FBXL7: variants seen among roughly 807,000 people sequenced by gnomAD.
FBXL7 encodes the protein F-box and leucine rich repeat protein 7.
FBXL7 carries 12 observed loss-of-function variants against 38.3 expected under a neutral mutation model. The ratio of observed to expected loss-of-function variants is 0.31; its 90% CI spans 0.20 to 0.51. FBXL7 has a LOEUF of 0.51. Among genes scored for constraint, FBXL7 ranks in the 20% least tolerant of loss-of-function variants. The pLI, the probability that FBXL7 is intolerant of heterozygous loss-of-function variation, is 0.98. For synonymous variants in FBXL7, 297 were observed against 300.9 expected (o/e 0.99, Z 0.13); for missense variants, 567 against 676.4 (o/e 0.84, Z 1.79).
At chr5:15,695,791 A>G (rs1743315999) in intron 2 of FBXL7, among the ~76,000 whole-genome samples, 1 of 152,140 alleles carries the variant, frequency 6.6e-6, no homozygotes, top group Non-Finnish European at 1.5e-5. Flanking sequence ...TTGGGATTCA[A>G]CCCTGGCCTG....
intron 1 of FBXL7, among the ~76,000 whole-genome samples, chr5:15,561,606 T>G (rs1738418372): frequency 6.6e-6 from 1 of 152,108 alleles, no homozygotes; most frequent in Non-Finnish European, 1.5e-5. Context: ...CATGTAGTAG[T>G]CCTATTTCTA....
At chr5:15,553,940 A>G (rs1317076358) in intron 1 of FBXL7, among the ~76,000 whole-genome samples, 1 of 152,032 alleles carries the variant, frequency 6.6e-6, no homozygotes, top group African/African-American at 2.4e-5. Flanking sequence ...TGTCTTCACA[A>G]TTCTGCTTGG....
intron 2 of FBXL7, among the ~76,000 whole-genome samples, chr5:15,913,945 G>T (rs1741512630): frequency 6.6e-6 from 1 of 152,138 alleles, no homozygotes; most frequent in Non-Finnish European, 1.5e-5. Context: ...GTTGGGGAGG[G>T]CAGGGGGACA....
intron 1 of FBXL7, among the ~76,000 whole-genome samples, chr5:15,516,473 T>C (rs1736940133): frequency 6.6e-6 from 1 of 152,202 alleles, no homozygotes; most frequent in South Asian, 2.1e-4. Context: ...GTATGGGATT[T>C]TTATGTCTTA....
At chr5:15,904,498 C>G (rs1741308215) in intron 2 of FBXL7, among the ~76,000 whole-genome samples, 1 of 152,038 alleles carries the variant, frequency 6.6e-6, no homozygotes, top group Non-Finnish European at 1.5e-5. Flanking sequence ...TTATTTTGGT[C>G]TTTACACAAT....
At chr5:15,655,764 G>T (rs779034465) in intron 2 of FBXL7, among the ~76,000 whole-genome samples, 1 of 152,128 alleles carries the variant, frequency 6.6e-6, no homozygotes, top group Non-Finnish European at 1.5e-5. Flanking sequence ...AGAGACTTAC[G>T]TGTCCATTAG....
intron 2 of FBXL7, among the ~76,000 whole-genome samples, chr5:15,765,050 G>T (rs1377776371): frequency 6.6e-6 from 1 of 152,126 alleles, no homozygotes; most frequent in Non-Finnish European, 1.5e-5. Flanking sequence ...TGAGAAGAAT[G>T]GAATTCTTTT....
chr5:15,708,308 GTC>G (rs1743753387), intron 2 of FBXL7, among the ~76,000 whole-genome samples: 1 of 152,198 alleles, frequency 6.6e-6, no homozygotes, highest in South Asian at 2.1e-4. Flanking sequence ...AAGGAATTGG[GTC>G]TCTCACTGGG....
intron 2 of FBXL7, among the ~76,000 whole-genome samples, chr5:15,672,199 A>G (rs1742501376): frequency 6.6e-6 from 1 of 152,254 alleles, no homozygotes; most frequent in African/African-American, 2.4e-5. Flanking sequence ...TCGTTTGACC[A>G]TATAAGAATA....
At chr5:15,847,517 G>A (rs966938064) in intron 2 of FBXL7, among the ~76,000 whole-genome samples, 1 of 152,064 alleles carries the variant, frequency 6.6e-6, no homozygotes, top group African/African-American at 2.4e-5. Flanking sequence ...AACCATATCA[G>A]CCCCCACAAT....
At chr5:15,639,131 G>A (rs1296985393) in intron 2 of FBXL7, among the ~76,000 whole-genome samples, 1 of 152,132 alleles carries the variant, frequency 6.6e-6, no homozygotes, top group East Asian at 1.9e-4. Context: ...GTTCATCTCT[G>A]GCACAGTGAT....
intron 2 of FBXL7, 78 bp downstream of exon 2, chr5:15,616,150 GT>G: frequency 1.0e-6 from 1 of 1,000,314 alleles, no homozygotes; most frequent in Admixed American, 2.0e-5. Context: ...AAGTGTGGGA[GT>G]GTTAGTTCTA....
chr5:15,523,085 G>T (rs1427743855), intron 1 of FBXL7, among the ~76,000 whole-genome samples: 4 of 152,180 alleles, frequency 2.6e-5, no homozygotes, highest in Non-Finnish European at 1.5e-5. Flanking sequence ...ACCACCTGAT[G>T]GGTGGCACAG....
At chr5:15,923,870 G>A (rs1356892225) in intron 2 of FBXL7, among the ~76,000 whole-genome samples, 5 of 151,942 alleles carry the variant, frequency 3.3e-5, no homozygotes, top group Non-Finnish European at 5.9e-5. Flanking sequence ...CCATGCACAG[G>A]GTAAGTATCT....
Position 15,568,438 on chromosome 5 carries a change from G to T in FBXL7, c.38-47545G>T, listed in dbSNP as rs1322181057. On this transcript the variant is annotated intron_variant, in intron 1 of 3. Coordinates refer to ENST00000504595, the MANE Select transcript of FBXL7 (RefSeq NM_012304.5). ...TATCCTTTGCCCACTTTTTGATGGG[G>T]TTTTTTTTTCTTGTAAATTTGTTTG... 8.3e-3 allele frequency among the ~76,000 whole-genome samples: 1,247 copies of T among 150,892 alleles called. 10 individuals are homozygous for T. The highest frequency in any genetic ancestry group is 0.024 in the African/African-American group (993 of 41,132).
At chr5:15,578,839 T>A (rs1308034836) in intron 1 of FBXL7, among the ~76,000 whole-genome samples, 1 of 152,188 alleles carries the variant, frequency 6.6e-6, no homozygotes, top group Non-Finnish European at 1.5e-5. Flanking sequence ...TAACTCGAGA[T>A]GGAATATCTT....
intron 2 of FBXL7, among the ~76,000 whole-genome samples, chr5:15,777,189 A>G (rs1736876347): frequency 6.6e-6 from 1 of 152,110 alleles, no homozygotes; most frequent in African/African-American, 2.4e-5. Context: ...ACTTACTGAA[A>G]GTCACACATT....
chr5:15,739,411 A>T (rs925395488), intron 2 of FBXL7, among the ~76,000 whole-genome samples: 3 of 152,176 alleles, frequency 2.0e-5, no homozygotes, highest in African/African-American at 7.2e-5. Context: ...CATACCGTAG[A>T]TTTCACCCAT....
intron 2 of FBXL7, among the ~76,000 whole-genome samples, chr5:15,646,120 A>G (rs201450541): frequency 7.4e-6 from 1 of 135,480 alleles, no homozygotes; most frequent in Middle Eastern, 3.3e-3. Flanking sequence ...GGATAATAGT[A>G]TATGTTTCAC....
Sources: gnomAD v4.1 joint callset for allele counts (sites outside exome capture counted in the v4.1 genomes callset) on GRCh38, gnomAD v4.1.1 for gene constraint, MANE v1.5 for transcripts, NCBI Gene and HGNC (gene_info 2026-07-23, HGNC 2026-07-21) for gene names.